DBN1: variants seen among roughly 807,000 people sequenced by gnomAD.
DBN1 encodes the protein drebrin 1, also known as drebrin.
A neutral mutation model predicts 83.5 loss-of-function variants in DBN1; 21 were observed. The observed-to-expected ratio is 0.25, with a 90% CI of 0.18 to 0.36. The LOEUF is 0.36. Among genes scored for constraint, DBN1 ranks in the 10% least tolerant of loss-of-function variants. The probability of loss-of-function intolerance (pLI) is 1.00; values close to 1 mark genes in which losing one functional copy is unlikely to be tolerated. For missense variants in DBN1, 874 were observed against 935.7 expected, an observed-to-expected ratio of 0.93 and a Z score of 0.86; for synonymous variants, 381 against 384.9, an observed-to-expected ratio of 0.99 and a Z score of 0.12.
intron 1 of DBN1, chr5:177,472,891 C>G: frequency 1.0e-6 from 1 of 975,604 alleles, no homozygotes; most frequent in South Asian, 4.7e-5. Flanking sequence ...CGGCCCACTC[C>G]GAGAGGCCCC....
At chr5:177,457,900 C>T in intron 13 of DBN1, 143 bp from the exon 14 acceptor site, 1 of 1,132,614 alleles carries the variant, frequency 8.8e-7, no homozygotes, top group Non-Finnish European at 1.3e-6. Context: ...GGAACAAAAG[C>T]AGAGCCGGCC....
Position 177,462,637 on chromosome 5 carries a change from T to G in DBN1, c.772-1934A>C, listed in dbSNP as rs188702396. 1.3e-3 allele frequency among the ~76,000 whole-genome samples: 205 copies of G among 152,284 alleles called. 1 individual carries two copies. The highest frequency in any genetic ancestry group is 4.2e-3 in the African/African-American group (175 of 41,554). On this transcript the variant is annotated intron_variant, in intron 8 of 14. Transcript: ENST00000393565. Reference sequence around the variant, plus strand: ...CACTCACACACCAAAGGCTTCTTAGTCGGTGTCCCCTGCTGCTCAGGTGGC... The same window carrying G: ...CACTCACACACCAAAGGCTTCTTAGGCGGTGTCCCCTGCTGCTCAGGTGGC...
chr5:177,468,832 T>C lies in DBN1; in HGVS notation c.142+12A>G. The C allele has an allele frequency of 1.1e-5, 14 of 1,322,454 alleles. No individual in the cohort carries two copies. Among genetic ancestry groups the C allele is most frequent in the Non-Finnish European group, 1.4e-5 (14 of 1,026,946 alleles). 81.9% of individuals were successfully genotyped at this position (1,322,454 alleles called of 1,614,324 possible). A position where few individuals can be genotyped will look rare whatever the true frequency, so the allele number is the denominator to read the frequency against. ...GTGGAGAAGGCGGCGAGGGAATGGC[T>C]GGAATTCCTACCTCCTGATGCTGCA... On this transcript the variant is annotated intron_variant, in intron 2 of 14. Transcript: ENST00000393565.
At chr5:177,462,562 G>A in intron 8 of DBN1, 1 of 258,122 alleles carries the variant, frequency 3.9e-6, no homozygotes, top group Non-Finnish European at 6.1e-6. Context: ...TGAGGACCGG[G>A]GTCTCCGGGT....
chr5:177,460,718 G>A lies in DBN1; in HGVS notation c.772-15C>T, dbSNP rs752784404. 3.1e-6 allele frequency: 5 copies of A among 1,613,090 alleles called. No homozygotes were observed. In the Admixed American group the frequency reaches 8.3e-5, roughly 27 times the overall value. ...CGATGGTCACCCTAGAAACCAAAGGGACAGTGTCTGGTGCACCTACCCCCC... is the reference window on the plus strand; with the variant it reads ...CGATGGTCACCCTAGAAACCAAAGGAACAGTGTCTGGTGCACCTACCCCCC... On this transcript the variant is annotated splice_polypyrimidine_tract_variant and intron_variant, in intron 8 of 14. Coordinates refer to ENST00000393565, the MANE Select transcript of DBN1 (RefSeq NM_001363541.2).
intron 2 of DBN1, 159 bp downstream of exon 2, chr5:177,468,685 G>A: frequency 2.2e-6 from 1 of 464,632 alleles, no homozygotes; most frequent in Non-Finnish European, 3.8e-6. Context: ...CCACCCTGGG[G>A]ACACAGGGAT....
chr5:177,470,655 G>A, intron 1 of DBN1, among the ~76,000 whole-genome samples: 1 of 152,182 alleles, frequency 6.6e-6, no homozygotes, highest in African/African-American at 2.4e-5. Context: ...CTCTTCACGT[G>A]GAAGGCAAGA....
At chr5:177,470,092 T>G (rs866326516) in intron 1 of DBN1, among the ~76,000 whole-genome samples, 15 of 152,192 alleles carry the variant, frequency 9.9e-5, no homozygotes, top group African/African-American at 3.4e-4. Flanking sequence ...CAGGGCCAAA[T>G]GGCCTCAGCC....
chr5:177,473,579 AGGAG>A lies in DBN1; in HGVS notation c.-62_-59del. ...GCGCGGACGGACGGGCGGACGGAGGAGGAGGGAGGGAAAGAGGGAGTCGCCGCCG... is the reference window on the plus strand; with the variant it reads ...GCGCGGACGGACGGGCGGACGGAGGAGGAGGGAAAGAGGGAGTCGCCGCCG... On this transcript the variant is annotated 5_prime_UTR_variant, in exon 1 of 15. Transcript: ENST00000393565. The A allele has an allele frequency of 7.8e-6, 8 of 1,025,638 alleles. No individual in the cohort carries two copies. The highest frequency in any genetic ancestry group is 9.7e-6 in the Non-Finnish European group (8 of 826,672). 63.5% of individuals were successfully genotyped at this position (1,025,638 alleles called of 1,614,324 possible).
In DBN1 at chr5:177,456,723, G is replaced by T. The variant is rs1262328450; in HGVS notation, c.*710C>A. 1 of 141,926 alleles carries T rather than the reference G, an allele frequency of 7.0e-6. No individual in the cohort carries two copies. Among genetic ancestry groups the T allele is most frequent in the Non-Finnish European group, 1.5e-5 (1 of 65,766 alleles). 8.8% of individuals were successfully genotyped at this position (141,926 alleles called of 1,614,324 possible). A position where few individuals can be genotyped will look rare whatever the true frequency, so the allele number is the denominator to read the frequency against. The stretch of plus-strand genomic sequence containing the variant: ...AAAACAGTTACTAAACGTGAAAAAG[G>T]AACCCAAGCAAAGAGGAAGGAGTTG... On this transcript the variant is annotated 3_prime_UTR_variant, in exon 15 of 15. Coordinates refer to ENST00000393565, the MANE Select transcript of DBN1 (RefSeq NM_001363541.2).
chr5:177,467,967 A>G lies in DBN1; in HGVS notation c.255+141T>C. ...GGGAGGGCGACTGCTCTGGGCCTTC[A>G]GTTCCCTTCCCCAGCCCCGGCCGCA... On this transcript the variant is annotated intron_variant, in intron 3 of 14. Coordinates refer to ENST00000393565, the MANE Select transcript of DBN1 (RefSeq NM_001363541.2). The surrounding 1 kb of genome is among the most constrained non-coding windows in gnomAD (Gnocchi z 9.1). The G allele has an allele frequency of 7.6e-7, 1 of 1,316,722 alleles. No individual in the cohort carries two copies. Among genetic ancestry groups the G allele is most frequent in the Non-Finnish European group, 1.1e-6 (1 of 921,512 alleles). 81.6% of individuals were successfully genotyped at this position (1,316,722 alleles called of 1,614,324 possible).
chr5:177,463,353 A>G (rs1561682292), intron 8 of DBN1, among the ~76,000 whole-genome samples: 1 of 152,168 alleles, frequency 6.6e-6, no homozygotes, highest in Non-Finnish European at 1.5e-5. Flanking sequence ...AAAGGCTTTA[A>G]TAAACTACCA....
intron 8 of DBN1, among the ~76,000 whole-genome samples, chr5:177,464,647 A>AAATG (rs1757293073): frequency 6.7e-6 from 1 of 148,746 alleles, no homozygotes; most frequent in East Asian, 2.0e-4. Flanking sequence ...ATAAATAAAT[A>AAATG]ATAAACTTTA....
rs1756586051 is a variant in DBN1 at position 177,457,427 on chromosome 5, C to G, written c.*6G>C. ...TGGCAAGGGTAGCCTAGGGCTGGCG[C>G]CACCGCTAATCACCACCCTCGAAGC... On this transcript the variant is annotated 3_prime_UTR_variant, in exon 15 of 15. Transcript: ENST00000393565. The G allele has an allele frequency of 1.9e-6, 3 of 1,613,552 alleles. No homozygotes were observed. Among genetic ancestry groups the G allele is most frequent in the Non-Finnish European group, 2.5e-6 (3 of 1,179,618 alleles).
intron 1 of DBN1, among the ~76,000 whole-genome samples, 168 bp from the exon 2 acceptor site, chr5:177,469,067 C>CA: frequency 6.6e-6 from 1 of 152,088 alleles, no homozygotes; most frequent in African/African-American, 2.4e-5. Flanking sequence ...GGCGGGAGCC[C>CA]AGCAGGGTAC....
Position 177,458,234 on chromosome 5 carries a change from C to A in DBN1, c.1738G>T (p.Asp580Tyr). 1 of 1,613,598 alleles carries A rather than the reference C, an allele frequency of 6.2e-7. No individual in the cohort carries two copies. The highest frequency in any genetic ancestry group is 8.5e-7 in the Non-Finnish European group (1 of 1,180,000). The change falls in exon 13 of 15, where the codon GAT (aspartate) becomes TAT (tyrosine). Residue 580 changes from aspartate (D) to tyrosine (Y), a missense_variant. This residue lies in a region of DBN1 where 725 missense variants were observed against 719.7 expected (regional missense o/e 1.01). Coordinates refer to ENST00000393565, the MANE Select transcript of DBN1 (RefSeq NM_001363541.2). Reference sequence around the variant, plus strand: ...GTGGCTGGCGGCTCAGGCAGCTCATCAAAGTTGAGAAGGGTGGCACAGCCT... The same window carrying A: ...GTGGCTGGCGGCTCAGGCAGCTCATAAAAGTTGAGAAGGGTGGCACAGCCT... Reference protein sequence around the residue: ...GEGCATLLNFDELPEPPATFC... With the variant: ...GEGCATLLNFYELPEPPATFC...
intron 8 of DBN1, among the ~76,000 whole-genome samples, chr5:177,464,721 CCT>C (rs1260921477): frequency 1.3e-5 from 2 of 152,040 alleles, no homozygotes; most frequent in Non-Finnish European, 2.9e-5. Context: ...GGGTGGATCA[CCT>C]GAGGTCAGGA....
At chr5:177,469,640 T>A (rs541126907) in intron 1 of DBN1, among the ~76,000 whole-genome samples, 208 of 152,338 alleles carry the variant, frequency 1.4e-3, no homozygotes, top group Non-Finnish European at 5.6e-4. Context: ...GTCTGAGCTC[T>A]AACAGAAAGC....
At position 177,457,688 on chromosome 5, in the gene DBN1, C is replaced by G; in HGVS notation, c.1984G>C (p.Ala662Pro). 1 of 1,610,618 alleles carries G rather than the reference C, an allele frequency of 6.2e-7. No individual in the cohort carries two copies. Among genetic ancestry groups the G allele is most frequent in the African/African-American group, 1.3e-5 (1 of 74,968 alleles). Reference sequence around the variant, plus strand: ...TTGTTGTAGAACACAGGAGGCGGAGCCTTGGCACAGAGCTCTTCCGATTGG... The same window carrying G: ...TTGTTGTAGAACACAGGAGGCGGAGGCTTGGCACAGAGCTCTTCCGATTGG... ...FAQSEELCAK[A>P]PPPVFYNKPP... Residue 662 changes from alanine to proline, a missense_variant, in exon 14 of 15, where the codon GCT becomes CCT. Coordinates refer to ENST00000393565, the MANE Select transcript of DBN1 (RefSeq NM_001363541.2).
Sources: allele counts gnomAD v4.1 joint callset (sites outside exome capture counted in the v4.1 genomes callset), GRCh38; gene constraint gnomAD v4.1.1; regional missense constraint gnomAD v4.1.1; non-coding constraint Gnocchi (gnomAD v3.1); transcripts MANE v1.5; gene names NCBI Gene and HGNC (gene_info 2026-07-23, HGNC 2026-07-21).